Variants in CLCA2 observed in about 807,000 individuals in gnomAD.
CLCA2 encodes the protein calcium-activated chloride channel regulator 2.
A neutral mutation model predicts 82.9 loss-of-function variants in CLCA2; 85 were observed. The observed-to-expected ratio is 1.03, with a 90% CI of 0.86 to 1.23. The LOEUF (loss-of-function observed/expected upper bound fraction) is 1.23, where lower values mean the gene tolerates loss of function less well. Among genes scored for constraint, CLCA2 ranks in the 50% most tolerant of loss-of-function variants. The pLI, the probability that CLCA2 is intolerant of heterozygous loss-of-function variation, is 0.00. For synonymous variants in CLCA2, 421 were observed against 391.7 expected, an observed-to-expected ratio of 1.07 and a Z score of -0.88; for missense variants, 1,089 against 1,124.8, an observed-to-expected ratio of 0.97 and a Z score of 0.45.
intron 12 of CLCA2, among the ~76,000 whole-genome samples, chr1:86,452,655 T>C (rs950531710): frequency 2.6e-4 from 40 of 152,208 alleles, no homozygotes; most frequent in African/African-American, 8.9e-4. Context: ...CTTCTTTAGC[T>C]GGACAGTTCC....
chr1:86,437,890 C>T (rs1488409952), intron 6 of CLCA2, among the ~76,000 whole-genome samples: 1 of 149,516 alleles, frequency 6.7e-6, no homozygotes, highest in East Asian at 1.9e-4. Flanking sequence ...GATGAGAAAA[C>T]TGAAGCTAAA....
rs1174673746 is a variant in CLCA2, at chr1:86,453,576, C to A, written c.2363C>A (p.Pro788His). 6.2e-7 allele frequency: 1 copy of A among 1,614,040 alleles called. No individual in the cohort carries two copies. The highest frequency in any genetic ancestry group is 8.5e-7 in the Non-Finnish European group (1 of 1,179,998). ...GAATTGACCCTATCTTGGACAGCAC[C>A]TGGAGAAGACTTTGATCAGGGCCAG... ...EEELTLSWTA[P>H]GEDFDQGQAT... The change falls in exon 13 of 14, where the codon CCT (proline) becomes CAT (histidine). Residue 788 changes from proline to histidine, a missense_variant. By Grantham distance (77) the Pro-to-His change is moderately conservative. Transcript: ENST00000370565.
chr1:86,456,147 A>C lies in CLCA2; in HGVS notation c.*620A>C, dbSNP rs1663073319. 1 of 152,146 alleles carries C rather than the reference A, an allele frequency of 6.6e-6. No individual in the cohort carries two copies. The highest frequency in any genetic ancestry group is 6.6e-5 in the Admixed American group (1 of 15,266). 9.4% of individuals were successfully genotyped at this position (152,146 alleles called of 1,614,324 possible). A position where few individuals can be genotyped will look rare whatever the true frequency, so the allele number is the denominator to read the frequency against. ...CATACCGGTTTTATGACAAAGGTCT[A>C]TTGAATTTATTTGTTTGTAAGTTTC... On this transcript the variant is annotated 3_prime_UTR_variant, in exon 14 of 14. Transcript: ENST00000370565.
chr1:86,435,536 T>G (rs1336930092), intron 6 of CLCA2, among the ~76,000 whole-genome samples: 1 of 152,208 alleles, frequency 6.6e-6, no homozygotes, highest in Non-Finnish European at 1.5e-5. Context: ...TTTAACTGAT[T>G]AAAGTCTTAG....
chr1:86,447,440 A>G, intron 10 of CLCA2, 68 bp from the exon 11 acceptor site: 3 of 1,515,090 alleles, frequency 2.0e-6, no homozygotes, highest in East Asian at 4.5e-5. Context: ...AGAAGTTTTG[A>G]TGTATGCTTT....
At chr1:86,448,689 T>C (rs1045022347) in intron 11 of CLCA2, among the ~76,000 whole-genome samples, 2 of 152,382 alleles carry the variant, frequency 1.3e-5, no homozygotes, top group Non-Finnish European at 2.9e-5. Context: ...ATCAGTATCT[T>C]GCCATGGCAA....
intron 4 of CLCA2, 94 bp from the exon 5 acceptor site, chr1:86,432,275 C>G: frequency 7.0e-7 from 1 of 1,433,852 alleles, no homozygotes; most frequent in Non-Finnish European, 9.6e-7. Flanking sequence ...ATCTAGCAGG[C>G]TACAATCCTT....
At position 86,441,433 on chromosome 1, in the gene CLCA2, T is replaced by A; in HGVS notation, c.1382-4T>A. The stretch of plus-strand genomic sequence containing the variant: ...ATAGTGAACACTCCTATCATGTATT[T>A]CAGGAGGTTTAAAGTTCTTTGTTCC... On this transcript the variant is annotated splice_polypyrimidine_tract_variant and splice_region_variant and intron_variant, in intron 8 of 13. Transcript: ENST00000370565. 1.3e-6 allele frequency: 2 copies of A among 1,547,306 alleles called. No homozygotes were observed. The highest frequency in any genetic ancestry group is 8.9e-7 in the Non-Finnish European group (1 of 1,122,178).
In CLCA2 at chr1:86,424,241, C is replaced by T. The variant is rs755713477; in HGVS notation, c.-7C>T. The T allele has an allele frequency of 1.1e-5, 18 of 1,609,420 alleles. No individual in the cohort carries two copies. The South Asian group carries it at 1.6e-4, about 14-fold the overall frequency. ...CAGTGTGAGTGAACTGGAGGCTTCT[C>T]TACAACATGACCCAAAGGAGCATTG... On this transcript the variant is annotated 5_prime_UTR_variant, in exon 1 of 14. Coordinates refer to ENST00000370565, the MANE Select transcript of CLCA2 (RefSeq NM_006536.7).
At chr1:86,453,276 A>C (rs1176208574) in intron 12 of CLCA2, 93 bp from the exon 13 acceptor site, 5 of 859,022 alleles carry the variant, frequency 5.8e-6, no homozygotes, top group Non-Finnish European at 9.1e-6. Flanking sequence ...AGTAAAGAAA[A>C]AAAGGTTTAA....
chr1:86,441,532 C>A lies in CLCA2; in HGVS notation c.1477C>A (p.Gln493Lys). The change falls in exon 9 of 14, where the codon CAA (glutamine) becomes AAA (lysine). Residue 493 changes from glutamine (Q) to lysine (K), a missense_variant. Gln to Lys is a moderately conservative substitution (Grantham distance 53). Coordinates refer to ENST00000370565, the MANE Select transcript of CLCA2 (RefSeq NM_006536.7). ...ISSGTGDIFQ[Q>K]HIQLESTGEN... ...CTCTGGAACTGGAGACATTTTCCAG[C>A]AACATATTCAGGTCAGAATTTTCTC... is the stretch of plus-strand genomic sequence containing the variant. 1.9e-6 allele frequency: 3 copies of A among 1,605,784 alleles called. No individual in the cohort carries two copies. The highest frequency in any genetic ancestry group is 2.6e-6 in the Non-Finnish European group (3 of 1,173,054).
chr1:86,446,370 T>C (rs1368476610), intron 10 of CLCA2, among the ~76,000 whole-genome samples: 1 of 152,042 alleles, frequency 6.6e-6, no homozygotes, highest in Admixed American at 6.6e-5. Context: ...TTTCTCCAAA[T>C]TCATCATGTT....
At chr1:86,447,070 G>A (rs1050094676) in intron 10 of CLCA2, among the ~76,000 whole-genome samples, 4 of 152,102 alleles carry the variant, frequency 2.6e-5, no homozygotes, top group African/African-American at 9.7e-5. Context: ...AGTCCACGGT[G>A]TCCACATAAA....
chr1:86,438,825 T>C (rs1306636970), intron 6 of CLCA2, 51 bp from the exon 7 acceptor site: 1 of 1,483,038 alleles, frequency 6.7e-7, no homozygotes, highest in African/African-American at 1.4e-5. Context: ...CATCATACTT[T>C]TGTCTACTAA....
At chr1:86,428,877 A>G (rs1464471696) in intron 3 of CLCA2, among the ~76,000 whole-genome samples, 1 of 152,218 alleles carries the variant, frequency 6.6e-6, no homozygotes, top group Non-Finnish European at 1.5e-5. Context: ...CATTTTGATA[A>G]ATGGAAAGAA....
At chr1:86,441,850 AT>A (rs1453921552) in intron 9 of CLCA2, among the ~76,000 whole-genome samples, 2 of 152,168 alleles carry the variant, frequency 1.3e-5, no homozygotes, top group African/African-American at 4.8e-5. Context: ...GGAACTGTGA[AT>A]TTACTTTTAG....
In CLCA2 at chr1:86,448,951, G is replaced by A. The variant is rs184645673; in HGVS notation, c.1984+1173G>A. 4.3e-4 allele frequency among the ~76,000 whole-genome samples: 65 copies of A among 152,280 alleles called. 1 individual carries two copies. In the East Asian group the frequency reaches 0.011, roughly 26 times the overall value. Reference sequence around the variant, plus strand: ...CTGGAGAACAGAGCCTACTCCCCTAGGGAATATCGTCTGATTCAGCTCAAT... The same window carrying A: ...CTGGAGAACAGAGCCTACTCCCCTAAGGAATATCGTCTGATTCAGCTCAAT... On this transcript the variant is annotated intron_variant, in intron 11 of 13. Coordinates refer to ENST00000370565, the MANE Select transcript of CLCA2 (RefSeq NM_006536.7).
intron 13 of CLCA2, among the ~76,000 whole-genome samples, chr1:86,454,163 T>C (rs1450612518): frequency 6.6e-6 from 1 of 152,230 alleles, no homozygotes; most frequent in Non-Finnish European, 1.5e-5. Flanking sequence ...TTGAGGTTTC[T>C]GCCTCCATCG....
intron 9 of CLCA2, among the ~76,000 whole-genome samples, chr1:86,443,330 A>T (rs1662776480): frequency 6.6e-6 from 1 of 152,232 alleles, no homozygotes; most frequent in South Asian, 2.1e-4. Context: ...TGCCCGGCCT[A>T]AATAATTTTT....
Sources: allele counts gnomAD v4.1 joint callset (sites outside exome capture counted in the v4.1 genomes callset), GRCh38; gene constraint gnomAD v4.1.1; transcripts MANE v1.5; gene names NCBI Gene and HGNC (gene_info 2026-07-23, HGNC 2026-07-21).